Variants in RRP1B observed in about 807,000 individuals in gnomAD.
RRP1B encodes the protein ribosomal RNA processing protein 1 homolog B.
In RRP1B, 56 loss-of-function variants were observed where a neutral mutation model predicts 80.2. That is an observed-to-expected ratio of 0.70 (90% CI 0.56 to 0.87). The LOEUF (loss-of-function observed/expected upper bound fraction) is 0.87, where lower values mean the gene tolerates loss of function less well. Ranked by LOEUF, RRP1B falls within the 40% of genes least tolerant of loss-of-function variation. The pLI is 0.00. For synonymous variants in RRP1B, 351 were observed against 357.6 expected (o/e 0.98, Z 0.21); for missense variants, 807 against 939.8 (o/e 0.86, Z 1.85).
At chr21:43,670,826 G>C (rs1261956935) in intron 2 of RRP1B, among the ~76,000 whole-genome samples, 1 of 152,206 alleles carries the variant, frequency 6.6e-6, no homozygotes, top group East Asian at 1.9e-4. Context: ...GCAAGTCTCT[G>C]ATGCAGATGA....
In RRP1B at chr21:43,685,330, C is replaced by T. The variant is rs144028094; in HGVS notation, c.990-440C>T. On this transcript the variant is annotated intron_variant, in intron 10 of 15. Coordinates refer to ENST00000340648, the MANE Select transcript of RRP1B (RefSeq NM_015056.3). ...CAGTGTCTCCTCCCCCATGCACCTC[C>T]CCACACTGCGCTTCGATGCGTCTTG... Among the ~76,000 whole-genome samples, 100 of 152,324 alleles carry T rather than the reference C, an allele frequency of 6.6e-4. 1 individual carries two copies. The highest frequency in any genetic ancestry group is 2.3e-3 in the African/African-American group (96 of 41,572).
At chr21:43,665,483 G>C (rs1475562115) in intron 1 of RRP1B, among the ~76,000 whole-genome samples, 1 of 152,194 alleles carries the variant, frequency 6.6e-6, no homozygotes, top group Non-Finnish European at 1.5e-5. Context: ...GTTTTTATTA[G>C]TTAGGACTCT....
At chr21:43,681,038 G>A (rs1325694694) in intron 8 of RRP1B, among the ~76,000 whole-genome samples, 3 of 152,168 alleles carry the variant, frequency 2.0e-5, no homozygotes, top group East Asian at 3.9e-4. Context: ...TCAGGAGTTC[G>A]AGACCAGCCT....
chr21:43,692,605 A>C (rs1289576858), intron 15 of RRP1B, among the ~76,000 whole-genome samples: 1 of 151,276 alleles, frequency 6.6e-6, no homozygotes, highest in African/African-American at 2.4e-5. Flanking sequence ...TCCATCTCAA[A>C]AAAAAAAAAA....
chr21:43,688,578 TTTC>T (rs1227476559), intron 13 of RRP1B, among the ~76,000 whole-genome samples: 2 of 152,296 alleles, frequency 1.3e-5, no homozygotes, highest in Middle Eastern at 3.4e-3. Flanking sequence ...CAGGTCTGGT[TTTC>T]TTCATCAGCG....
In RRP1B at chr21:43,659,592, G is replaced by T; in HGVS notation, c.-73G>T. On this transcript the variant is annotated 5_prime_UTR_variant, in exon 1 of 16. Coordinates refer to ENST00000340648, the MANE Select transcript of RRP1B (RefSeq NM_015056.3). This position sits in a 1 kb window ranked among gnomAD's most constrained non-coding sequence, Gnocchi z 4.2. ...GTCGCGGCCCGGGCGGACGGTGGCT[G>T]GCTGCTCCGCAGCGCTCGGCTGGCT... 7.7e-7 allele frequency: 1 copy of T among 1,295,610 alleles called. No individual in the cohort carries two copies. Among genetic ancestry groups the T allele is most frequent in the Non-Finnish European group, 9.8e-7 (1 of 1,023,250 alleles). The allele number at this position is 1,295,610 out of a possible 1,614,324, so 80.3% of individuals were successfully genotyped here.
rs960260334 is a variant in RRP1B, at chr21:43,691,104, C to G, written c.2020-335C>G. ...GTTTTTAGGACAGTTCAGGCATCCT[C>G]TCTGTTTGCCTTTCTTCCCTGGATC... On this transcript the variant is annotated intron_variant, in intron 14 of 15. Coordinates refer to ENST00000340648, the MANE Select transcript of RRP1B (RefSeq NM_015056.3). This position sits in a 1 kb window ranked among gnomAD's most constrained non-coding sequence, Gnocchi z 4.2. Among the ~76,000 whole-genome samples the G allele has an allele frequency of 1.4e-4, 21 of 152,204 alleles. No homozygotes were observed. The highest frequency in any genetic ancestry group is 4.6e-4 in the African/African-American group (19 of 41,446).
chr21:43,668,022 A>G (rs2082985184), intron 1 of RRP1B, among the ~76,000 whole-genome samples: 1 of 152,154 alleles, frequency 6.6e-6, no homozygotes, highest in African/African-American at 2.4e-5. Context: ...AGCCTGGCCA[A>G]CATGGTGAAA....
intron 1 of RRP1B, among the ~76,000 whole-genome samples, chr21:43,668,350 C>A (rs2082986651): frequency 6.6e-6 from 1 of 150,442 alleles, no homozygotes; most frequent in Non-Finnish European, 1.5e-5. Context: ...ATTAAAAGGT[C>A]TTTTTGTCAC....
intron 11 of RRP1B, 103 bp from the exon 12 acceptor site, chr21:43,686,701 C>A: frequency 7.4e-7 from 1 of 1,343,628 alleles, no homozygotes; most frequent in Non-Finnish European, 1.0e-6. Context: ...CGGTGAGGAA[C>A]GATGATGATG....
chr21:43,683,362 C>T lies in RRP1B; in HGVS notation c.880C>T (p.Pro294Ser). The T allele has an allele frequency of 2.5e-6, 4 of 1,613,156 alleles. No homozygotes were observed. Among genetic ancestry groups the T allele is most frequent in the Middle Eastern group, 1.7e-4 (1 of 6,060 alleles). Residue 294 changes from proline (P) to serine (S), a missense_variant, in exon 9 of 16, where the codon CCC becomes TCC. Coordinates refer to ENST00000340648, the MANE Select transcript of RRP1B (RefSeq NM_015056.3). ...CTGTGGAACCTTTGAGGACACAGGG[C>T]CCCTTCTCCAGGTGGGTAGCAGTTG... ...DDCGTFEDTG[P>S]LLQFDYKAVA...
intron 1 of RRP1B, among the ~76,000 whole-genome samples, chr21:43,661,318 A>G (rs964478738): frequency 5.9e-5 from 9 of 151,978 alleles, no homozygotes; most frequent in African/African-American, 2.2e-4. Context: ...GGCACCTCAC[A>G]CTCAGGATGC....
chr21:43,687,635 C>A lies in RRP1B; in HGVS notation c.1261C>A (p.Pro421Thr). The A allele has an allele frequency of 6.4e-7, 1 of 1,560,486 alleles. No individual in the cohort carries two copies. The highest frequency in any genetic ancestry group is 8.7e-7 in the Non-Finnish European group (1 of 1,154,496). Residue 421 changes from proline to threonine, a missense_variant, in exon 13 of 16, where the codon CCA becomes ACA. Transcript: ENST00000340648. Reference protein sequence around the residue: ...PENPGPGGAAPSLEQNRGREP... With the variant: ...PENPGPGGAATSLEQNRGREP... ...AAATCCAGGCCCAGGGGGTGCAGCC[C>A]CATCCCTGGAACAGAACCGGGGCAG...
intron 3 of RRP1B, among the ~76,000 whole-genome samples, chr21:43,673,164 T>G (rs2083006561): frequency 6.6e-6 from 1 of 152,176 alleles, no homozygotes; most frequent in Non-Finnish European, 1.5e-5. Context: ...TTAATGGTTT[T>G]GAACTGATTG....
At chr21:43,692,558 C>T (rs1484509272) in intron 15 of RRP1B, among the ~76,000 whole-genome samples, 1 of 151,354 alleles carries the variant, frequency 6.6e-6, no homozygotes, top group African/African-American at 2.4e-5. Context: ...AAGATCGTTT[C>T]ACTGCACTCC....
chr21:43,684,797 T>A (rs1485622896), intron 10 of RRP1B, 147 bp downstream of exon 10: 1 of 654,274 alleles, frequency 1.5e-6, no homozygotes, highest in Non-Finnish European at 2.7e-6. Context: ...AATAGACACA[T>A]GTAAACTGAA....
chr21:43,679,100 G>A (rs1448377510), intron 8 of RRP1B, among the ~76,000 whole-genome samples: 1 of 152,002 alleles, frequency 6.6e-6, no homozygotes. Flanking sequence ...CTGTTCCATT[G>A]GTCTACATGC....
intron 2 of RRP1B, 78 bp from the exon 3 acceptor site, chr21:43,672,230 A>G: frequency 7.8e-7 from 1 of 1,279,120 alleles, no homozygotes; most frequent in Admixed American, 1.7e-5. Context: ...AAGTGGGAGA[A>G]GGAAGCAGGC....
intron 1 of RRP1B, among the ~76,000 whole-genome samples, chr21:43,662,372 A>G (rs1226178454): frequency 6.6e-6 from 1 of 152,254 alleles, no homozygotes; most frequent in African/African-American, 2.4e-5. Flanking sequence ...ATAACTCCGC[A>G]GCATGAACGT....
Sources: gnomAD v4.1 joint callset for allele counts (sites outside exome capture counted in the v4.1 genomes callset) on GRCh38, gnomAD v4.1.1 for gene constraint, Gnocchi (gnomAD v3.1) non-coding constraint, MANE v1.5 for transcripts, NCBI Gene and HGNC (gene_info 2026-07-23, HGNC 2026-07-21) for gene names.